The following TBC1D14 variants were observed in gnomAD, a reference collection of about 807,000 sequenced individuals.
The protein encoded by TBC1D14 is TBC1 domain family, member 14.
A neutral mutation model predicts 79.0 loss-of-function variants in TBC1D14; 26 were observed. The ratio of observed to expected loss-of-function variants is 0.33; its 90% CI spans 0.24 to 0.46. The LOEUF is 0.46. TBC1D14 is among the 20% of genes least tolerant of loss of function. The pLI, the probability that TBC1D14 is intolerant of heterozygous loss-of-function variation, is 1.00. For synonymous variants in TBC1D14, 394 were observed against 349.9 expected (o/e 1.13, Z -1.40); for missense variants, 769 against 887.6 (o/e 0.87, Z 1.70).
chr4:6,926,731 C>T (rs1424121161), intron 2 of TBC1D14, among the ~76,000 whole-genome samples: 3 of 152,190 alleles, frequency 2.0e-5, no homozygotes, highest in Non-Finnish European at 4.4e-5. Context: ...GCTCACTAAA[C>T]ATTTTACAGG....
chr4:6,922,299 A>G (rs1320721992), intron 1 of TBC1D14, among the ~76,000 whole-genome samples: 1 of 152,102 alleles, frequency 6.6e-6, no homozygotes, highest in Non-Finnish European at 1.5e-5. Flanking sequence ...TACTCACTCA[A>G]ACCTCGGAGG....
chr4:6,987,335 G>T, intron 3 of TBC1D14: 1 of 1,422,662 alleles, frequency 7.0e-7, no homozygotes. Context: ...CGCCTCTAAG[G>T]CCCCGGCGTT....
chr4:6,924,159 C>T, intron 2 of TBC1D14, 48 bp downstream of exon 2: 2 of 1,558,360 alleles, frequency 1.3e-6, no homozygotes, highest in South Asian at 2.4e-5. Flanking sequence ...TGAGTCCAGA[C>T]CAGTCTCCTT....
chr4:6,988,518 C>T (rs1220371720), intron 3 of TBC1D14, among the ~76,000 whole-genome samples: 1 of 152,186 alleles, frequency 6.6e-6, no homozygotes, highest in Non-Finnish European at 1.5e-5. Context: ...ATGTGGTGGC[C>T]GTGCTGTCAC....
intron 13 of TBC1D14, among the ~76,000 whole-genome samples, chr4:7,027,058 A>G (rs1307833754): frequency 6.6e-6 from 1 of 152,046 alleles, no homozygotes; most frequent in Non-Finnish European, 1.5e-5. Context: ...TAAAAATACA[A>G]AAATTAGCCG....
chr4:6,972,495 T>A (rs1479954179), intron 3 of TBC1D14, among the ~76,000 whole-genome samples: 1 of 152,204 alleles, frequency 6.6e-6, no homozygotes, highest in Non-Finnish European at 1.5e-5. Flanking sequence ...CGGTTTCCTT[T>A]GCTAGGTCCC....
chr4:6,990,173 G>A (rs1358519901), intron 3 of TBC1D14, among the ~76,000 whole-genome samples: 1 of 152,206 alleles, frequency 6.6e-6, no homozygotes, highest in East Asian at 1.9e-4. Context: ...CTGGGGGCTG[G>A]GTGCAGTGGC....
chr4:7,013,888 C>T (rs1016397761), intron 11 of TBC1D14, among the ~76,000 whole-genome samples: 75 of 152,236 alleles, frequency 4.9e-4, no homozygotes, highest in African/African-American at 1.6e-3. Context: ...GGACTACAGG[C>T]GCCCGCCACC....
intron 1 of TBC1D14, among the ~76,000 whole-genome samples, chr4:6,911,031 G>T (rs1389878750): frequency 6.6e-6 from 1 of 152,100 alleles, no homozygotes; most frequent in Non-Finnish European, 1.5e-5. Context: ...ATAGCGGTGG[G>T]TTGCCTGTTG....
At chr4:6,979,857 A>T (rs954086667) in intron 3 of TBC1D14, among the ~76,000 whole-genome samples, 1 of 152,216 alleles carries the variant, frequency 6.6e-6, no homozygotes, top group Non-Finnish European at 1.5e-5. Flanking sequence ...CCTAATGAAG[A>T]CATAATGATT....
chr4:6,938,811 G>T (rs1449951811), intron 2 of TBC1D14, among the ~76,000 whole-genome samples: 1 of 152,218 alleles, frequency 6.6e-6, no homozygotes, highest in Non-Finnish European at 1.5e-5. Flanking sequence ...CCACAGCTGT[G>T]CAGGGGCTGT....
chr4:6,986,454 T>C (rs1560310128), intron 3 of TBC1D14, among the ~76,000 whole-genome samples: 1 of 152,242 alleles, frequency 6.6e-6, no homozygotes, highest in Non-Finnish European at 1.5e-5. Context: ...TGCTATCACT[T>C]GCCATTGTCC....
intron 2 of TBC1D14, among the ~76,000 whole-genome samples, chr4:6,935,705 G>A (rs936775728): frequency 4.6e-5 from 7 of 151,652 alleles, no homozygotes; most frequent in Admixed American, 3.9e-4. Flanking sequence ...GTGCAGTGGT[G>A]TGATCTCGGC....
In TBC1D14 at chr4:7,031,901, C is replaced by A. The variant is rs957630567; in HGVS notation, c.*1509C>A. On this transcript the variant is annotated 3_prime_UTR_variant, in exon 14 of 14. Transcript: ENST00000409757. ...GGGCTAGGGGCTGGGGAAGGAAAGCCGAGCTGGCATTCGTTCTCTGGACTT... is the reference window on the plus strand; with the variant it reads ...GGGCTAGGGGCTGGGGAAGGAAAGCAGAGCTGGCATTCGTTCTCTGGACTT... The A allele has an allele frequency of 6.6e-6, 1 of 152,338 alleles. No homozygotes were observed. The highest frequency in any genetic ancestry group is 1.5e-5 in the Non-Finnish European group (1 of 68,142). The allele number at this position is 152,338 out of a possible 1,614,324, so 9.4% of individuals were successfully genotyped here. A position where few individuals can be genotyped will look rare whatever the true frequency, so the allele number is the denominator to read the frequency against.
chr4:6,985,769 C>A lies in TBC1D14; in HGVS notation c.844-8415C>A, dbSNP rs114630542. 4.0e-3 allele frequency among the ~76,000 whole-genome samples: 609 copies of A among 152,200 alleles called. 8 individuals carry two copies. The highest frequency in any genetic ancestry group is 0.014 in the African/African-American group (589 of 41,524). On this transcript the variant is annotated intron_variant, in intron 3 of 13. Transcript: ENST00000409757. Reference sequence around the variant, plus strand: ...CCCAGGAATTAATTGAAAGAATAACCCCTACTCCTGCTTTTGCCTTATTTT... The same window carrying A: ...CCCAGGAATTAATTGAAAGAATAACACCTACTCCTGCTTTTGCCTTATTTT...
chr4:6,957,937 G>A (rs540374305), intron 2 of TBC1D14, among the ~76,000 whole-genome samples: 16 of 121,112 alleles, frequency 1.3e-4, no homozygotes, highest in Admixed American at 7.0e-4. Context: ...AAATAAAAAA[G>A]GAGTGCTGGC....
chr4:6,976,114 A>G (rs925762565), intron 3 of TBC1D14, among the ~76,000 whole-genome samples: 50 of 152,168 alleles, frequency 3.3e-4, no homozygotes, highest in African/African-American at 1.2e-3. Context: ...AACAGAAATT[A>G]TCCAGTCTGC....
chr4:7,009,770 G>A (rs1204183979), intron 9 of TBC1D14, 107 bp from the exon 10 acceptor site: 8 of 1,099,324 alleles, frequency 7.3e-6, no homozygotes, highest in Admixed American at 3.4e-5. Flanking sequence ...ATTTCATAAT[G>A]CTGAAAATAG....
intron 5 of TBC1D14, chr4:6,998,848 G>A (rs957571274): frequency 1.6e-5 from 7 of 451,104 alleles, no homozygotes; most frequent in East Asian, 8.8e-5. Context: ...CAACTGAATC[G>A]TATTCTTCTT....
Sources: allele counts gnomAD v4.1 joint callset (sites outside exome capture counted in the v4.1 genomes callset), GRCh38; gene constraint gnomAD v4.1.1; transcripts MANE v1.5; gene names NCBI Gene and HGNC (gene_info 2026-07-23, HGNC 2026-07-21).